The following TMX2 variants were observed in gnomAD, a reference collection of about 807,000 sequenced individuals.
TMX2 encodes thioredoxin related transmembrane protein 2, also known as thioredoxin-related transmembrane protein 2.
A neutral mutation model predicts 33.4 loss-of-function variants in TMX2; 20 were observed. That is an observed-to-expected ratio of 0.60 (90% confidence interval 0.42 to 0.87). TMX2 has a LOEUF of 0.87. TMX2 is among the 40% of genes least tolerant of loss of function. The pLI is 0.00. For missense variants in TMX2, 340 were observed against 370.7 expected, an observed-to-expected ratio of 0.92 and a Z score of 0.68; for synonymous variants, 166 against 140.7, an observed-to-expected ratio of 1.18 and a Z score of -1.27.
intron 1 of TMX2, among the ~76,000 whole-genome samples, chr11:57,713,976 T>G (rs1590891764): frequency 1.3e-5 from 2 of 152,358 alleles, no homozygotes; most frequent in East Asian, 3.9e-4. Context: ...AATTGTTGTC[T>G]TCTTTGACAG....
intron 1 of TMX2, among the ~76,000 whole-genome samples, chr11:57,719,869 A>G (rs759941052): frequency 2.0e-5 from 3 of 151,992 alleles, no homozygotes; most frequent in African/African-American, 4.8e-5. Context: ...AATCTCTCCA[A>G]ATTGGCTTCT....
At chr11:57,716,386 C>CT (rs1452594852) in intron 1 of TMX2, among the ~76,000 whole-genome samples, 9 of 73,948 alleles carry the variant, frequency 1.2e-4, no homozygotes, top group East Asian at 7.0e-4. Flanking sequence ...GCTGGCCGGG[C>CT]GAGGGGCTGA....
intron 1 of TMX2, among the ~76,000 whole-genome samples, chr11:57,722,140 C>G (rs1000265715): frequency 1.3e-5 from 2 of 152,068 alleles, no homozygotes; most frequent in Non-Finnish European, 2.9e-5. Context: ...GGAGTACAGG[C>G]ACGTGCCAAC....
intron 1 of TMX2, among the ~76,000 whole-genome samples, chr11:57,726,062 A>G (rs1255544026): frequency 6.6e-6 from 1 of 152,142 alleles, no homozygotes; most frequent in Admixed American, 6.6e-5. Flanking sequence ...TGTATAGCTA[A>G]TTGCTATAAG....
rs1212571221 is a variant in TMX2 at position 57,739,347 on chromosome 11, C to T, written c.744+87C>T. 3 of 1,418,678 alleles carry T rather than the reference C, an allele frequency of 2.1e-6. No individual in the cohort carries two copies. The African/African-American group carries it at 4.2e-5, about 20-fold the overall frequency. The allele number at this position is 1,418,678 out of a possible 1,614,324, so 87.9% of individuals were successfully genotyped here. On this transcript the variant is annotated intron_variant, in intron 7 of 7. Transcript: ENST00000278422. ...TACCCGGGTTTGATTCACAGCTCTG[C>T]CACTTGCCCATTAGCTTTGAGGGTG...
chr11:57,733,908 C>T (rs1200600416), intron 1 of TMX2, among the ~76,000 whole-genome samples: 3 of 151,966 alleles, frequency 2.0e-5, no homozygotes, highest in African/African-American at 4.8e-5. Flanking sequence ...CGGTGGCTCA[C>T]GCCTGTAATC....
intron 1 of TMX2, among the ~76,000 whole-genome samples, chr11:57,729,383 TTC>T (rs1220447914): frequency 6.6e-6 from 1 of 152,148 alleles, no homozygotes; most frequent in Non-Finnish European, 1.5e-5. Context: ...AAAACCACTG[TTC>T]TCTGTTTTTT....
At chr11:57,738,871 T>A (rs1948911596) in intron 5 of TMX2, 101 bp downstream of exon 5, 1 of 1,532,606 alleles carries the variant, frequency 6.5e-7, no homozygotes, top group Middle Eastern at 1.7e-4. Context: ...TTTTCACACA[T>A]GGTAACCAAA....
rs771403516 is a variant in TMX2, at chr11:57,712,627, C to T, written c.9C>T (p.Val3=). The change falls in exon 1 of 8, where the codon GTC becomes GTT. Residue 3 remains valine (V), a synonymous_variant. Transcript: ENST00000278422. MA[V]LAPLIALVYS... ...CCGTTACGGCCGAAAAGATGGCGGTCTTGGCACCTCTAATTGCTCTCGTGT... is the reference window on the plus strand; with the variant it reads ...CCGTTACGGCCGAAAAGATGGCGGTTTTGGCACCTCTAATTGCTCTCGTGT... 6.2e-6 allele frequency: 10 copies of T among 1,612,822 alleles called. No individual in the cohort carries two copies. The African/African-American group carries it at 8.0e-5, about 13-fold the overall frequency.
intron 1 of TMX2, among the ~76,000 whole-genome samples, chr11:57,727,136 A>G (rs1948057684): frequency 6.6e-6 from 1 of 152,226 alleles, no homozygotes; most frequent in Non-Finnish European, 1.5e-5. Flanking sequence ...GGATCATAAT[A>G]GCTCAGAAAA....
chr11:57,715,575 GAAT>G (rs1946922615), intron 1 of TMX2, among the ~76,000 whole-genome samples: 1 of 117,620 alleles, frequency 8.5e-6, no homozygotes, highest in Non-Finnish European at 1.8e-5. Context: ...TAACCTCTTA[GAAT>G]TTGTTTTCTT....
chr11:57,714,164 C>T (rs1418750492), intron 1 of TMX2, among the ~76,000 whole-genome samples: 1 of 152,094 alleles, frequency 6.6e-6, no homozygotes, highest in Non-Finnish European at 1.5e-5. Flanking sequence ...TCACTATAAG[C>T]TGAGTTGGTG....
chr11:57,712,637 C>G lies in TMX2; in HGVS notation c.19C>G (p.Leu7Val), dbSNP rs368851051. 2 of 1,613,842 alleles carry G rather than the reference C, an allele frequency of 1.2e-6. No homozygotes were observed. Among genetic ancestry groups the G allele is most frequent in the Non-Finnish European group, 1.7e-6 (2 of 1,179,936 alleles). MAVLAP[L>V]IALVYSVPRL... ...CGAAAAGATGGCGGTCTTGGCACCT[C>G]TAATTGCTCTCGTGTATTCGGTGCC... The change falls in exon 1 of 8, where the codon CTA (leucine) becomes GTA (valine). Residue 7 changes from leucine (L) to valine (V), a missense_variant. Physicochemically the swap from Leu to Val is conservative, Grantham distance 32. Around this residue, in one of 3 missense-constraint regions of TMX2, gnomAD observed 106 missense variants for 82.7 expected, o/e 1.28. Transcript: ENST00000278422.
At chr11:57,732,866 A>T (rs188017173) in intron 1 of TMX2, among the ~76,000 whole-genome samples, 3 of 152,288 alleles carry the variant, frequency 2.0e-5, no homozygotes, top group East Asian at 3.9e-4. Flanking sequence ...CCTGCTAATC[A>T]TGCGGTGTCC....
At chr11:57,719,033 A>T (rs3016259) in intron 1 of TMX2, among the ~76,000 whole-genome samples, 5,228 of 70,702 alleles carry the variant, frequency 0.074, 385 homozygotes, top group African/African-American at 0.16. Flanking sequence ...ATATATATAT[A>T]TTTTTTTTTT....
chr11:57,738,015 C>T lies in TMX2; in HGVS notation c.353C>T (p.Thr118Ile), dbSNP rs1162067460. The change falls in exon 3 of 8, where the codon ACA becomes ATA. Residue 118 changes from threonine to isoleucine, a missense_variant. Transcript: ENST00000278422. ...LDIRMGLLYI[T>I]LCIVFLMTCK... ...ATTCGCATGGGCCTACTTTACATCA[C>T]ACTCTGCATAGGTGAGGAGACTGCC... 6.2e-7 allele frequency: 1 copy of T among 1,611,802 alleles called. No individual in the cohort carries two copies. The highest frequency in any genetic ancestry group is 1.1e-5 in the South Asian group (1 of 90,906).
intron 1 of TMX2, among the ~76,000 whole-genome samples, chr11:57,727,796 TA>T (rs1948100260): frequency 6.6e-6 from 1 of 152,162 alleles, no homozygotes; most frequent in South Asian, 2.1e-4. Context: ...AGAAACGATT[TA>T]CAACCTGCTC....
chr11:57,728,623 G>A (rs1288790698), intron 1 of TMX2, among the ~76,000 whole-genome samples: 1 of 152,178 alleles, frequency 6.6e-6, no homozygotes, highest in Non-Finnish European at 1.5e-5. Context: ...GATCCTGATT[G>A]TAGTTTGGGT....
chr11:57,720,832 C>T (rs1237662021), intron 1 of TMX2, among the ~76,000 whole-genome samples: 2 of 152,216 alleles, frequency 1.3e-5, no homozygotes, highest in African/African-American at 4.8e-5. Flanking sequence ...CACTAGACCA[C>T]AGATCATAGT....
Sources: gnomAD v4.1 joint callset for allele counts (sites outside exome capture counted in the v4.1 genomes callset) on GRCh38, gnomAD v4.1.1 for gene constraint, gnomAD v4.1.1 regional missense constraint, MANE v1.5 for transcripts, NCBI Gene and HGNC (gene_info 2026-07-23, HGNC 2026-07-21) for gene names.